Variants in ATP8B1 observed in about 807,000 individuals in gnomAD.
The protein encoded by ATP8B1 is phospholipid-transporting ATPase IC.
Under a neutral mutation model 149.9 loss-of-function variants are expected in ATP8B1, and 80 were observed. The observed-to-expected ratio is 0.53, with a 90% CI of 0.45 to 0.64. ATP8B1 has a LOEUF of 0.64. Ranked by LOEUF, ATP8B1 falls within the 30% of genes least tolerant of loss-of-function variation. The pLI is 0.00. For synonymous variants in ATP8B1, 536 were observed against 562.8 expected, an observed-to-expected ratio of 0.95 and a Z score of 0.67; for missense variants, 1,247 against 1,552.6, an observed-to-expected ratio of 0.80 and a Z score of 3.31.
chr18:57,754,478 G>A (rs1416998567), intron 1 of ATP8B1, among the ~76,000 whole-genome samples: 1 of 151,686 alleles, frequency 6.6e-6, no homozygotes, highest in Non-Finnish European at 1.5e-5. Context: ...AAGTAATATT[G>A]CTGTTCCTCA....
At chr18:57,680,003 T>C (rs1380020191) in intron 15 of ATP8B1, among the ~76,000 whole-genome samples, 1 of 150,968 alleles carries the variant, frequency 6.6e-6, no homozygotes, top group Non-Finnish European at 1.5e-5. Context: ...TGGCCAGGCA[T>C]GGTGGCTCAC....
chr18:57,669,807 G>T (rs941215120), intron 17 of ATP8B1, among the ~76,000 whole-genome samples: 4 of 151,940 alleles, frequency 2.6e-5, no homozygotes, highest in East Asian at 3.9e-4. Context: ...GCACCACCAC[G>T]CCTGGTAATT....
chr18:57,656,383 C>T (rs1022300740), intron 22 of ATP8B1, among the ~76,000 whole-genome samples: 7 of 140,804 alleles, frequency 5.0e-5, no homozygotes, highest in African/African-American at 1.8e-4. Context: ...ATTTCTTTCT[C>T]TCTCTTTTTT....
intron 1 of ATP8B1, among the ~76,000 whole-genome samples, chr18:57,779,533 AT>A (rs1275032866): frequency 1.3e-5 from 2 of 152,212 alleles, no homozygotes; most frequent in Non-Finnish European, 2.9e-5. Context: ...TCACTTTTTA[AT>A]TTTAGCAACA....
chr18:57,754,305 G>A (rs2080056262), intron 1 of ATP8B1, among the ~76,000 whole-genome samples: 1 of 151,896 alleles, frequency 6.6e-6, no homozygotes, highest in Non-Finnish European at 1.5e-5. Flanking sequence ...AGGCATGGTG[G>A]CACATGCCTG....
intron 13 of ATP8B1, among the ~76,000 whole-genome samples, chr18:57,687,456 GTCA>G (rs1322192024): frequency 1.3e-5 from 2 of 152,260 alleles, no homozygotes; most frequent in Non-Finnish European, 2.9e-5. Flanking sequence ...ACTGCTCAAG[GTCA>G]TCACCAAGTT....
At chr18:57,687,248 C>T (rs1912296680) in intron 13 of ATP8B1, among the ~76,000 whole-genome samples, 1 of 152,180 alleles carries the variant, frequency 6.6e-6, no homozygotes, top group South Asian at 2.1e-4. Context: ...TCCCAATTCC[C>T]CTGACTCCAG....
chr18:57,675,271 T>C (rs913395321), intron 15 of ATP8B1, among the ~76,000 whole-genome samples: 5 of 152,198 alleles, frequency 3.3e-5, no homozygotes, highest in Admixed American at 3.3e-4. Flanking sequence ...ATTCCCATAA[T>C]CCCACCATCC....
At chr18:57,794,826 A>AAGAG (rs2080497317) in intron 1 of ATP8B1, among the ~76,000 whole-genome samples, 1 of 148,766 alleles carries the variant, frequency 6.7e-6, no homozygotes, top group African/African-American at 2.5e-5. Context: ...GAAAGAAAGA[A>AAGAG]TGGCATATGA....
At chr18:57,701,463 C>T in intron 4 of ATP8B1, 150 bp from the exon 5 acceptor site, 1 of 758,156 alleles carries the variant, frequency 1.3e-6, no homozygotes, top group Non-Finnish European at 2.3e-6. Flanking sequence ...AAAGGCTCTT[C>T]AAGCATTTGG....
At chr18:57,707,250 T>C (rs546876771) in intron 2 of ATP8B1, among the ~76,000 whole-genome samples, 2 of 151,918 alleles carry the variant, frequency 1.3e-5, no homozygotes, top group Admixed American at 6.6e-5. Context: ...GAGCTGAGAT[T>C]GCGCCACTGC....
At chr18:57,649,596 C>G (rs1428131797) in intron 27 of ATP8B1, among the ~76,000 whole-genome samples, 2 of 151,966 alleles carry the variant, frequency 1.3e-5, no homozygotes, top group Non-Finnish European at 2.9e-5. Flanking sequence ...TTCAGATTGC[C>G]CCCCCCAACC....
intron 1 of ATP8B1, among the ~76,000 whole-genome samples, chr18:57,787,156 T>C (rs1055059074): frequency 2.0e-5 from 3 of 152,240 alleles, no homozygotes; most frequent in Admixed American, 2.0e-4. Flanking sequence ...GAAATCATTG[T>C]ATAATGCCTA....
At chr18:57,745,041 A>C (rs1318502056) in intron 1 of ATP8B1, among the ~76,000 whole-genome samples, 1 of 152,240 alleles carries the variant, frequency 6.6e-6, no homozygotes, top group African/African-American at 2.4e-5. Flanking sequence ...AGTTGATGAA[A>C]ACATAGACAC....
intron 21 of ATP8B1, 114 bp downstream of exon 21, chr18:57,662,369 G>T: frequency 7.7e-7 from 1 of 1,302,914 alleles, no homozygotes; most frequent in Non-Finnish European, 1.1e-6. Context: ...ACACTTTCAT[G>T]TATAGGCTAA....
At position 57,675,994 on chromosome 18, in the gene ATP8B1, C is replaced by T. The variant is rs117292582; in HGVS notation, c.1631-972G>A. The stretch of plus-strand genomic sequence containing the variant: ...GTGTTCGGATTACAGGCATGAGCCA[C>T]TGCCCCTGGGCCCCTGGCTTATTTT... On this transcript the variant is annotated intron_variant, in intron 15 of 27. Transcript: ENST00000648908. Among the ~76,000 whole-genome samples, 357 of 152,290 alleles carry T rather than the reference C, an allele frequency of 2.3e-3. 2 individuals are homozygous for T. The highest frequency in any genetic ancestry group is 3.7e-3 in the Non-Finnish European group (251 of 68,012).
intron 1 of ATP8B1, among the ~76,000 whole-genome samples, chr18:57,760,381 C>G (rs965636460): frequency 6.6e-6 from 1 of 152,218 alleles, no homozygotes; most frequent in Non-Finnish European, 1.5e-5. Context: ...GGGCCTGTCC[C>G]TAAGACCCCT....
Position 57,648,365 on chromosome 18 carries a change from ATTAT to A in ATP8B1, c.*119_*122del. The A allele has an allele frequency of 3.5e-6, 4 of 1,146,502 alleles. No homozygotes were observed. The highest frequency in any genetic ancestry group is 5.1e-6 in the Non-Finnish European group (4 of 779,564). 71.0% of individuals were successfully genotyped at this position (1,146,502 alleles called of 1,614,324 possible). On this transcript the variant is annotated 3_prime_UTR_variant, in exon 28 of 28. Transcript: ENST00000648908. ...CCAACCCAAGGAGTTTGTTATAAAGATTATTTATTGTCTTCAATATCTTTGTGAT... is the reference window on the plus strand; with the variant it reads ...CCAACCCAAGGAGTTTGTTATAAAGATTATTGTCTTCAATATCTTTGTGAT...
chr18:57,672,929 TATAA>T (rs1291085977), intron 16 of ATP8B1, among the ~76,000 whole-genome samples: 1,275 of 20,872 alleles, frequency 0.061, 138 homozygotes, highest in South Asian at 0.088. Context: ...TATATATATA[TATAA>T]CATGTATATA....
Sources: allele counts gnomAD v4.1 joint callset (sites outside exome capture counted in the v4.1 genomes callset), GRCh38; gene constraint gnomAD v4.1.1; transcripts MANE v1.5; gene names NCBI Gene and HGNC (gene_info 2026-07-23, HGNC 2026-07-21).